Variants in TCAF1 observed in about 807,000 individuals in gnomAD.
TCAF1 encodes TRPM8 channel associated factor 1.
Under a neutral mutation model 27.3 loss-of-function variants are expected in TCAF1, and 4 were observed. That is an observed-to-expected ratio of 0.15 (90% confidence interval 0.07 to 0.34). The LOEUF is 0.34. Ranked by LOEUF, TCAF1 falls within the 10% of genes least tolerant of loss-of-function variation. The probability of loss-of-function intolerance (pLI) is 1.00; values close to 1 mark genes in which losing one functional copy is unlikely to be tolerated. For missense variants in TCAF1, 257 were observed against 425.8 expected (o/e 0.60, Z 3.49); for synonymous variants, 105 against 167.1 (o/e 0.63, Z 2.87).
At chr7:143,900,813 C>T (rs1391117540) in intron 1 of TCAF1, among the ~76,000 whole-genome samples, 1 of 152,034 alleles carries the variant, frequency 6.6e-6, no homozygotes, top group Admixed American at 6.6e-5. Flanking sequence ...ACATTTACAC[C>T]TTAAATGACG....
At chr7:143,893,658 C>A (rs912295221) in intron 1 of TCAF1, among the ~76,000 whole-genome samples, 2 of 151,698 alleles carry the variant, frequency 1.3e-5, no homozygotes, top group Non-Finnish European at 2.9e-5. Context: ...CTTCTGAACA[C>A]CCCTTAGGTC....
intron 1 of TCAF1, among the ~76,000 whole-genome samples, chr7:143,894,171 A>C (rs1438218823): frequency 7.9e-5 from 12 of 151,848 alleles, no homozygotes; most frequent in East Asian, 1.9e-4. Context: ...CAGCAAGAAG[A>C]AGCAGAAAAT....
chr7:143,851,466 AAC>A lies in TCAF1; in HGVS notation c.*2665_*2666del, dbSNP rs1240583084. 9.2e-5 allele frequency: 14 copies of A among 152,386 alleles called. No individual in the cohort carries two copies. Among genetic ancestry groups the A allele is most frequent in the South Asian group, 4.1e-4 (2 of 4,828 alleles). The allele number at this position is 152,386 out of a possible 1,614,324, so 9.4% of individuals were successfully genotyped here. A position where few individuals can be genotyped will look rare whatever the true frequency, so the allele number is the denominator to read the frequency against. The stretch of plus-strand genomic sequence containing the variant: ...TAGTACAGAAGGACTTAAAATGAAA[AAC>A]ACAGTTTCCCATCCCACCCTTTTTA... On this transcript the variant is annotated 3_prime_UTR_variant, in exon 9 of 9. Transcript: ENST00000479870.
At chr7:143,901,831 C>T (rs1814127947) in intron 1 of TCAF1, 130 bp downstream of exon 1, 2 of 152,200 alleles carry the variant, frequency 1.3e-5, no homozygotes, top group Admixed American at 1.3e-4. Flanking sequence ...GGGGTAGAGA[C>T]GAAGGAAGGG....
intron 2 of TCAF1, among the ~76,000 whole-genome samples, chr7:143,875,619 G>T (rs1381216184): frequency 6.6e-6 from 1 of 152,028 alleles, no homozygotes; most frequent in African/African-American, 2.4e-5. Flanking sequence ...TGGCTCATGG[G>T]GTCCTTCATG....
At chr7:143,899,556 T>C (rs1020429380) in intron 1 of TCAF1, among the ~76,000 whole-genome samples, 1 of 152,174 alleles carries the variant, frequency 6.6e-6, no homozygotes, top group African/African-American at 2.4e-5. Flanking sequence ...TACACTAAAA[T>C]TAATCTATGA....
Position 143,851,945 on chromosome 7 carries a change from C to T in TCAF1, c.*2188G>A, listed in dbSNP as rs868038085. ...TGAATAAAAAATGAAACCTTTCACACTTTGTTAATAGGCTGATCTGAACAT... is the reference window on the plus strand; with the variant it reads ...TGAATAAAAAATGAAACCTTTCACATTTTGTTAATAGGCTGATCTGAACAT... On this transcript the variant is annotated 3_prime_UTR_variant, in exon 9 of 9. Coordinates refer to ENST00000479870, the MANE Select transcript of TCAF1 (RefSeq NM_014719.3). The T allele has an allele frequency of 3.9e-5, 6 of 152,220 alleles. No homozygotes were observed. Among genetic ancestry groups the T allele is most frequent in the Admixed American group, 1.3e-4 (2 of 15,278 alleles). The allele number at this position is 152,220 out of a possible 1,614,324, so 9.4% of individuals were successfully genotyped here.
At chr7:143,891,850 T>C (rs911343968) in intron 1 of TCAF1, among the ~76,000 whole-genome samples, 1 of 152,046 alleles carries the variant, frequency 6.6e-6, no homozygotes, top group Non-Finnish European at 1.5e-5. Flanking sequence ...ACCAAATTCA[T>C]AGAGAAAATC....
intron 2 of TCAF1, among the ~76,000 whole-genome samples, chr7:143,874,985 G>T (rs1376904832): frequency 1.3e-5 from 2 of 152,168 alleles, no homozygotes; most frequent in Non-Finnish European, 2.9e-5. Flanking sequence ...GGGCTAAAAT[G>T]ATACGAGTCA....
In TCAF1 at chr7:143,876,326, G is replaced by A. The variant is rs745353554; in HGVS notation, c.283C>T (p.His95Tyr). The part of the protein sequence containing the change: ...CSSPGAPIGV[H>Y]PSLAPLAKIL... ...TTGGCCAAAGGTGCCAGGGATGGGT[G>A]TACACCAATGGGAGCCCCAGGGGAA... Residue 95 changes from histidine to tyrosine, a missense_variant, in exon 2 of 9, where the codon CAC becomes TAC. By Grantham distance (83) the His-to-Tyr change is moderately conservative. This residue lies in a region of TCAF1 where 255 missense variants were observed against 260.1 expected (regional missense o/e 0.98). Transcript: ENST00000479870. 1.9e-6 allele frequency: 3 copies of A among 1,614,070 alleles called. No individual in the cohort carries two copies. Among genetic ancestry groups the A allele is most frequent in the Admixed American group, 1.7e-5 (1 of 60,002 alleles).
chr7:143,887,219 A>T (rs192285627), intron 1 of TCAF1, among the ~76,000 whole-genome samples: 1 of 152,312 alleles, frequency 6.6e-6, no homozygotes, highest in African/African-American at 2.4e-5. Context: ...TAAGTTTGGT[A>T]AATATTCTGA....
intron 1 of TCAF1, among the ~76,000 whole-genome samples, chr7:143,888,567 A>C (rs1481336560): frequency 6.6e-6 from 1 of 152,252 alleles, no homozygotes; most frequent in Non-Finnish European, 1.5e-5. Flanking sequence ...ATGAATAATC[A>C]CAAACCAGTT....
At chr7:143,875,430 T>C (rs1812643266) in intron 2 of TCAF1, among the ~76,000 whole-genome samples, 2 of 152,176 alleles carry the variant, frequency 1.3e-5, no homozygotes, top group African/African-American at 4.8e-5. Flanking sequence ...CCTGCACCCA[T>C]CACCTGACTC....
chr7:143,900,048 T>C (rs1013182351), intron 1 of TCAF1, among the ~76,000 whole-genome samples: 2 of 128,318 alleles, frequency 1.6e-5, no homozygotes, highest in Non-Finnish European at 3.3e-5. Context: ...CAAACTGGTT[T>C]AACACTTTGG....
At chr7:143,885,614 AAAT>A (rs1229336307) in intron 1 of TCAF1, 1 of 947,124 alleles carries the variant, frequency 1.1e-6, no homozygotes, top group Non-Finnish European at 1.3e-6. Flanking sequence ...TCTCTGTGTA[AAAT>A]AATATACAAC....
At chr7:143,900,327 T>G (rs144002704) in intron 1 of TCAF1, among the ~76,000 whole-genome samples, 2 of 152,070 alleles carry the variant, frequency 1.3e-5, no homozygotes, top group Non-Finnish European at 2.9e-5. Context: ...GCTTCTGAGG[T>G]TACAGAAAGA....
chr7:143,882,349 GC>G (rs1813095228), intron 1 of TCAF1: 1 of 977,214 alleles, frequency 1.0e-6, no homozygotes, highest in African/African-American at 1.8e-5. Flanking sequence ...CCAGCTACCC[GC>G]GACCCTGCTC....
At chr7:143,885,673 T>TAAGTAG in intron 1 of TCAF1, 1 of 436,710 alleles carries the variant, frequency 2.3e-6, no homozygotes, top group Non-Finnish European at 3.0e-6. Context: ...TCTACTTATA[T>TAAGTAG]ATTGCCTCTA....
At chr7:143,890,477 G>A (rs1242123581) in intron 1 of TCAF1, among the ~76,000 whole-genome samples, 3 of 152,010 alleles carry the variant, frequency 2.0e-5, no homozygotes, top group African/African-American at 7.3e-5. Flanking sequence ...CAAACTTCTT[G>A]AAATTCCCTC....
Sources: allele counts gnomAD v4.1 joint callset (sites outside exome capture counted in the v4.1 genomes callset), GRCh38; gene constraint gnomAD v4.1.1; regional missense constraint gnomAD v4.1.1; transcripts MANE v1.5; gene names NCBI Gene and HGNC (gene_info 2026-07-23, HGNC 2026-07-21).